The following TENM2 variants were observed in gnomAD, a reference collection of about 807,000 sequenced individuals.
TENM2 encodes teneurin-2.
TENM2 carries 52 observed loss-of-function variants against 245.2 expected under a neutral mutation model. The observed-to-expected ratio is 0.21, with a 90% CI of 0.17 to 0.27. The LOEUF is 0.27. TENM2 is among the 10% of genes least tolerant of loss of function. The pLI is 1.00. For missense variants in TENM2, 3,046 were observed against 3,666.8 expected (o/e 0.83, Z 4.37); for synonymous variants, 1,363 against 1,438.9 (o/e 0.95, Z 1.19).
intron 2 of TENM2, among the ~76,000 whole-genome samples, chr5:167,665,093 A>G (rs547173776): frequency 4.6e-5 from 7 of 152,360 alleles, no homozygotes; most frequent in African/African-American, 1.7e-4. Context: ...GCCTATGTCC[A>G]AATACAGGCT....
chr5:168,008,562 A>G (rs1016557116), intron 5 of TENM2, among the ~76,000 whole-genome samples: 4 of 152,208 alleles, frequency 2.6e-5, no homozygotes, highest in African/African-American at 9.7e-5. Context: ...GGCCCCGTCA[A>G]TAATCAGTGG....
chr5:168,099,247 G>A lies in TENM2; in HGVS notation c.1813+1120G>A, dbSNP rs553444177. Among the ~76,000 whole-genome samples, 94 of 152,048 alleles carry A rather than the reference G, an allele frequency of 6.2e-4. 1 individual carries two copies. Among genetic ancestry groups the A allele is most frequent in the Admixed American group, 4.4e-3 (67 of 15,268 alleles). ...AATACCAGTTATTACCCATTACACT[G>A]ATTTTCCACCCACCAATAGGCCATA... On this transcript the variant is annotated intron_variant, in intron 9 of 28. Transcript: ENST00000518659.
intron 2 of TENM2, among the ~76,000 whole-genome samples, chr5:167,716,172 G>A (rs1308169741): frequency 2.6e-5 from 4 of 152,182 alleles, no homozygotes; most frequent in African/African-American, 9.7e-5. Context: ...GTCCTTTGTA[G>A]TGGAAACAGT....
the TENM2 span, among the ~76,000 whole-genome samples, chr5:167,015,255 G>C: frequency 3.5e-4 from 54 of 152,174 alleles, 1 homozygote; most frequent in East Asian, 5.8e-3. Context: ...TCAAAATGCC[G>C]TACTCTTCTA....
chr5:167,562,970 A>AG lies in TENM2; in HGVS notation c.502+187497_502+187498insG, dbSNP rs796111915. On this transcript the variant is annotated intron_variant, in intron 2 of 28. Transcript: ENST00000518659. ...GAAATTCTGTCTCAAAAAAAAAAAA[A>AG]AAAAAGAAAAAGAAAAAGCAAGCCT... 2.5e-3 allele frequency among the ~76,000 whole-genome samples: 384 copies of AG among 151,522 alleles called. 4 individuals carry two copies. The highest frequency in any genetic ancestry group is 9.0e-3 in the African/African-American group (370 of 41,210).
At chr5:167,465,895 G>A (rs1005249709) in intron 2 of TENM2, among the ~76,000 whole-genome samples, 1 of 152,074 alleles carries the variant, frequency 6.6e-6, no homozygotes, top group Admixed American at 6.5e-5. Context: ...AGAAACCTGG[G>A]ATGTATGGGA....
chr5:168,235,367 G>C (rs1562316849), intron 25 of TENM2, among the ~76,000 whole-genome samples: 1 of 152,206 alleles, frequency 6.6e-6, no homozygotes, highest in Admixed American at 6.5e-5. Context: ...TCTGCAAACA[G>C]ATTAAATAAT....
At chr5:167,299,578 A>C (rs186939203) in intron 1 of TENM2, among the ~76,000 whole-genome samples, 234 of 152,306 alleles carry the variant, frequency 1.5e-3, no homozygotes, top group African/African-American at 4.2e-3. Context: ...CACGATGGAA[A>C]GGAAATGAGA....
At chr5:167,056,518 A>G in the TENM2 span, among the ~76,000 whole-genome samples, 5 of 145,986 alleles carry the variant, frequency 3.4e-5, no homozygotes, top group African/African-American at 7.4e-5. Context: ...TATGTATTTT[A>G]TGTATATATC....
chr5:167,593,025 G>A (rs1775979350), intron 2 of TENM2, among the ~76,000 whole-genome samples: 1 of 151,842 alleles, frequency 6.6e-6, no homozygotes, highest in African/African-American at 2.4e-5. Flanking sequence ...TTTAATAATT[G>A]CCTAATATTT....
At chr5:167,391,722 T>A (rs1049774538) in intron 2 of TENM2, among the ~76,000 whole-genome samples, 4 of 151,120 alleles carry the variant, frequency 2.6e-5, no homozygotes, top group African/African-American at 9.7e-5. Flanking sequence ...TTGAAGAAGA[T>A]AGGATTTGGG....
At chr5:167,644,191 A>G (rs1436447964) in intron 2 of TENM2, among the ~76,000 whole-genome samples, 1 of 152,236 alleles carries the variant, frequency 6.6e-6, no homozygotes, top group African/African-American at 2.4e-5. Flanking sequence ...AAAAGCTTCC[A>G]GTACACATGT....
rs761446646 is a variant in TENM2 at position 168,247,664 on chromosome 5, G to A, written c.6725G>A (p.Arg2242His). ...TTACTGAACCCAGGCAACAGTGTGC[G>A]CCTCATGCCCTTGCGCTATGACCTC... Residue 2242 changes from arginine (R) to histidine (H), a missense_variant, in exon 27 of 29, where the codon CGC (arginine) becomes CAC (histidine). Arg to His is a conservative substitution (Grantham distance 29, BLOSUM62 0). Transcript: ENST00000518659. This position sits in a 1 kb window ranked among gnomAD's most constrained non-coding sequence, Gnocchi z 7.8. 1.1e-5 allele frequency: 17 copies of A among 1,613,698 alleles called. No homozygotes were observed. The highest frequency in any genetic ancestry group is 2.2e-5 in the South Asian group (2 of 91,086).
the TENM2 span, among the ~76,000 whole-genome samples, chr5:167,127,756 T>G: frequency 6.6e-6 from 1 of 152,122 alleles, no homozygotes; most frequent in Non-Finnish European, 1.5e-5. Context: ...GTGAACACAT[T>G]AAAATTTTCA....
intron 1 of TENM2, among the ~76,000 whole-genome samples, chr5:167,354,002 C>T (rs1759148310): frequency 6.6e-6 from 1 of 152,126 alleles, no homozygotes; most frequent in African/African-American, 2.4e-5. Context: ...AAGAAAGAAA[C>T]ATAGAATAAA....
At chr5:167,161,040 A>G in the TENM2 span, among the ~76,000 whole-genome samples, 5,502 of 152,314 alleles carry the variant, frequency 0.036, 139 homozygotes, top group Non-Finnish European at 0.052. Context: ...AGGAATCTTA[A>G]TAATGTGTCA....
At chr5:167,075,744 T>C in the TENM2 span, among the ~76,000 whole-genome samples, 1 of 152,196 alleles carries the variant, frequency 6.6e-6, no homozygotes, top group Non-Finnish European at 1.5e-5. Context: ...ATGCAGGGCC[T>C]GGCTTGCAGA....
At chr5:167,080,166 G>A in the TENM2 span, among the ~76,000 whole-genome samples, 3 of 152,014 alleles carry the variant, frequency 2.0e-5, no homozygotes, top group African/African-American at 4.8e-5. Context: ...AATTGGGATG[G>A]GTGTCTAAAA....
chr5:167,613,867 A>T (rs1040457304), intron 2 of TENM2, among the ~76,000 whole-genome samples: 1 of 152,164 alleles, frequency 6.6e-6, no homozygotes, highest in African/African-American at 2.4e-5. Flanking sequence ...AAGAAATTTT[A>T]TGTAGAAATG....
Sources: allele counts gnomAD v4.1 joint callset (sites outside exome capture counted in the v4.1 genomes callset), GRCh38; gene constraint gnomAD v4.1.1; non-coding constraint Gnocchi (gnomAD v3.1); transcripts MANE v1.5; gene names NCBI Gene and HGNC (gene_info 2026-07-23, HGNC 2026-07-21).